The following RANBP1 variants were observed in gnomAD, a reference collection of about 807,000 sequenced individuals.
RANBP1 encodes the protein RAN binding protein 1, also known as ran-specific GTPase-activating protein.
Under a neutral mutation model 31.4 loss-of-function variants are expected in RANBP1, and 16 were observed. The observed-to-expected ratio is 0.51, with a 90% CI of 0.34 to 0.77. The LOEUF is 0.77. Ranked by LOEUF, RANBP1 falls within the 30% of genes least tolerant of loss-of-function variation. The probability of loss-of-function intolerance (pLI) is 0.01; values close to 1 mark genes in which losing one functional copy is unlikely to be tolerated. For missense variants in RANBP1, 265 were observed against 362.0 expected, an observed-to-expected ratio of 0.73 and a Z score of 2.17; for synonymous variants, 129 against 140.5, an observed-to-expected ratio of 0.92 and a Z score of 0.58.
chr22:20,123,661 C>G (rs2050236946), intron 3 of RANBP1, among the ~76,000 whole-genome samples: 1 of 151,982 alleles, frequency 6.6e-6, no homozygotes, highest in Admixed American at 6.5e-5. Context: ...CTGGGCGCCT[C>G]TGAAGCTACA....
chr22:20,126,576 A>G (rs754744323), intron 5 of RANBP1: 41 of 1,546,704 alleles, frequency 2.7e-5, no homozygotes, highest in Non-Finnish European at 2.9e-5. Flanking sequence ...CCTCAGTCCA[A>G]TTGGGCAGGC....
chr22:20,125,754 C>T lies in RANBP1; in HGVS notation c.670+318C>T, dbSNP rs2050282433. On this transcript the variant is annotated intron_variant, in intron 4 of 5. Transcript: ENST00000430524. ...GTTGTTGCGGAGCCTGAGGCCCAAC[C>T]CAGGGCTTCCTCCCAGTGCTGATCC... is the stretch of plus-strand genomic sequence containing the variant. 8.9e-6 allele frequency: 9 copies of T among 1,011,752 alleles called. No individual in the cohort carries two copies. The Admixed American group carries it at 1.1e-4, about 12-fold the overall frequency. 62.7% of individuals were successfully genotyped at this position (1,011,752 alleles called of 1,614,324 possible). A position where few individuals can be genotyped will look rare whatever the true frequency, so the allele number is the denominator to read the frequency against.
intron 1 of RANBP1, 109 bp downstream of exon 1, chr22:20,116,539 G>A (rs566532042): frequency 1.2e-6 from 2 of 1,601,510 alleles, no homozygotes; most frequent in South Asian, 1.1e-5. Context: ...CGGGGCTGCA[G>A]GGGGCACCGA....
At chr22:20,123,234 C>T (rs1295500924) in intron 3 of RANBP1, among the ~76,000 whole-genome samples, 1 of 30,580 alleles carries the variant, frequency 3.3e-5, no homozygotes, top group Non-Finnish European at 6.2e-5. Flanking sequence ...GTCTGGGGGG[C>T]GGGTGTGGTA....
chr22:20,117,673 G>C (rs1333003882), intron 1 of RANBP1: 2 of 1,162,526 alleles, frequency 1.7e-6, no homozygotes, highest in Non-Finnish European at 2.1e-6. Flanking sequence ...AGGTGCCGCC[G>C]GGCCCAAGCG....
At chr22:20,122,178 A>G (rs1328496768) in intron 2 of RANBP1, 86 bp from the exon 3 acceptor site, 1 of 1,459,420 alleles carries the variant, frequency 6.9e-7, no homozygotes, top group Non-Finnish European at 9.4e-7. Flanking sequence ...GGGGTCCTGC[A>G]GTGCAGAGTT....
At chr22:20,116,522 G>A in intron 1 of RANBP1, 92 bp downstream of exon 1, 1 of 1,608,348 alleles carries the variant, frequency 6.2e-7, no homozygotes, top group Non-Finnish European at 8.5e-7. Flanking sequence ...ACCTCCTCCA[G>A]GGCTGCCGGG....
chr22:20,125,462 C>T (rs746994396), intron 4 of RANBP1, 26 bp downstream of exon 4: 52 of 1,585,534 alleles, frequency 3.3e-5, no homozygotes, highest in Non-Finnish European at 4.1e-5. Context: ...TGGGGACCTG[C>T]CTGACTTGGG....
intron 1 of RANBP1, chr22:20,118,230 A>G (rs1808002267): frequency 1.0e-6 from 1 of 1,002,394 alleles, no homozygotes; most frequent in Admixed American, 6.1e-5. Flanking sequence ...AACAGTGAAG[A>G]GCAGCGAAAA....
chr22:20,126,447 TC>T, intron 5 of RANBP1, 79 bp downstream of exon 5: 1 of 1,610,114 alleles, frequency 6.2e-7, no homozygotes, highest in Non-Finnish European at 8.5e-7. Context: ...GGGTGCTTTT[TC>T]TGTCTGCCAG....
At chr22:20,118,425 C>A in intron 1 of RANBP1, 1 of 889,572 alleles carries the variant, frequency 1.1e-6, no homozygotes, top group Non-Finnish European at 1.4e-6. Flanking sequence ...TAGTTATTAA[C>A]TTAGTTTTCT....
intron 5 of RANBP1, 84 bp from the exon 6 acceptor site, chr22:20,126,868 C>T (rs558628391): frequency 2.7e-5 from 40 of 1,507,224 alleles, no homozygotes; most frequent in East Asian, 9.2e-5. Context: ...GGGTGGGTGA[C>T]GGCACTTGGG....
At chr22:20,126,204 G>A in intron 4 of RANBP1, 99 bp from the exon 5 acceptor site, 2 of 1,397,028 alleles carry the variant, frequency 1.4e-6, no homozygotes, top group Non-Finnish European at 2.0e-6. Flanking sequence ...CAATTACCAT[G>A]AAATGGGTCT....
At chr22:20,125,839 C>G (rs565879201) in intron 4 of RANBP1, among the ~76,000 whole-genome samples, 1 of 152,242 alleles carries the variant, frequency 6.6e-6, no homozygotes, top group Non-Finnish European at 1.5e-5. Flanking sequence ...TGGGTGCCAG[C>G]AGGGGCTGGG....
In RANBP1 at chr22:20,116,188, G is replaced by C; in HGVS notation, c.4G>C (p.Gly2Arg). 6.2e-7 allele frequency: 1 copy of C among 1,613,080 alleles called. No individual in the cohort carries two copies. The highest frequency in any genetic ancestry group is 8.5e-7 in the Non-Finnish European group (1 of 1,179,984). ...CTCCTGTCGCCTCCTCCTGGCCATG[G>C]GGTCGGCCTTGGGCCGGGCCAGGCG... M[G>R]SALGRARRTL... Residue 2 changes from glycine (G) to arginine (R), a missense_variant, in exon 1 of 6, where the codon GGG becomes CGG. By Grantham distance (125) the Gly-to-Arg change is moderately radical. Coordinates refer to ENST00000430524, the MANE Select transcript of RANBP1 (RefSeq NM_001278639.2).
At chr22:20,123,516 G>A (rs2147988050) in intron 3 of RANBP1, among the ~76,000 whole-genome samples, 1 of 148,574 alleles carries the variant, frequency 6.7e-6, no homozygotes, top group African/African-American at 2.5e-5. Context: ...GAGATTGGGG[G>A]TGTTCGGGCA....
At chr22:20,118,084 C>T (rs548077260) in intron 1 of RANBP1, 43 of 999,038 alleles carry the variant, frequency 4.3e-5, no homozygotes, top group Admixed American at 4.3e-4. Flanking sequence ...CGTCTGGAAC[C>T]GCCACTGGCC....
intron 2 of RANBP1, chr22:20,119,455 G>GC (rs2050127793): frequency 2.9e-6 from 1 of 344,702 alleles, no homozygotes; most frequent in Admixed American, 4.6e-5. Flanking sequence ...CCTTGGTTGA[G>GC]CAGGGGGTTT....
Position 20,119,126 on chromosome 22 carries a change from A to T in RANBP1, c.360A>T (p.Glu120Asp). Residue 120 changes from glutamate to aspartate, a missense_variant, in exon 2 of 6, where the codon GAA becomes GAT. By Grantham distance (45) the Glu-to-Asp change is conservative. Coordinates refer to ENST00000430524, the MANE Select transcript of RANBP1 (RefSeq NM_001278639.2). ...AGCAAGAAATTAAAACACTGGAAGA[A>T]GATGAAGAGGAACTTTTTAAAATGT... ...LPEQEIKTLE[E>D]DEEELFKMRA... The T allele has an allele frequency of 6.2e-7, 1 of 1,613,054 alleles. No individual in the cohort carries two copies. Among genetic ancestry groups the T allele is most frequent in the Non-Finnish European group, 8.5e-7 (1 of 1,179,206 alleles).
Sources: allele counts gnomAD v4.1 joint callset (sites outside exome capture counted in the v4.1 genomes callset), GRCh38; gene constraint gnomAD v4.1.1; transcripts MANE v1.5; gene names NCBI Gene and HGNC (gene_info 2026-07-23, HGNC 2026-07-21).